Variants in MCF2 observed in about 807,000 individuals in gnomAD.
MCF2 encodes the protein proto-oncogene DBL.
A neutral mutation model predicts 82.5 loss-of-function variants in MCF2; 44 were observed. The ratio of observed to expected loss-of-function variants is 0.53; its 90% confidence interval spans 0.42 to 0.69. The LOEUF (loss-of-function observed/expected upper bound fraction) is 0.69. Among genes scored for constraint, MCF2 ranks in the 30% least tolerant of loss-of-function variants. The pLI, the probability that MCF2 is intolerant of heterozygous loss-of-function variation, is 0.00. For missense variants in MCF2, 623 were observed against 663.1 expected (o/e 0.94, Z 0.66); for synonymous variants, 217 against 224.9 (o/e 0.96, Z 0.32).
At chrX:139,651,351 A>G (rs1358910032) in intron 2 of MCF2, among the ~76,000 whole-genome samples, 3 of 111,401 alleles carry the variant, frequency 2.7e-5, no homozygotes, top group Non-Finnish European at 5.6e-5. Flanking sequence ...TGTAATACAC[A>G]TTTGAGTAAT....
At position 139,614,941 on chromosome X, in the gene MCF2, C is replaced by T. The variant is rs921254077; in HGVS notation, c.1303G>A (p.Val435Met). Reference sequence around the variant, plus strand: ...ACCAAATTTTCAGGTGTGGGTACCACAAATTGGATTGGCCTCACATGCTTA... The same window carrying T: ...ACCAAATTTTCAGGTGTGGGTACCATAAATTGGATTGGCCTCACATGCTTA... Residue 435 changes from valine (V) to methionine (M), a missense_variant, in exon 10 of 25, where the codon GTG (valine) becomes ATG (methionine). Coordinates refer to ENST00000370576, the Ensembl canonical transcript of MCF2. 1 of 1,209,872 alleles carries T rather than the reference C, an allele frequency of 8.3e-7. No individual in the cohort carries two copies. Among genetic ancestry groups the T allele is most frequent in the Non-Finnish European group, 1.1e-6 (1 of 894,132 alleles).
chrX:139,609,279 T>A (rs774166176), intron 11 of MCF2, among the ~76,000 whole-genome samples: 60 of 112,788 alleles, frequency 5.3e-4, no homozygotes, highest in African/African-American at 1.9e-3. Flanking sequence ...GAGCAGTGGC[T>A]CATGCCTGTA....
intron 6 of MCF2, among the ~76,000 whole-genome samples, chrX:139,620,200 A>G (rs1445273884): frequency 9.1e-6 from 1 of 110,090 alleles, no homozygotes; most frequent in African/African-American, 3.3e-5. Flanking sequence ...TTCCCAGAAA[A>G]AGAAACCAGG....
chrX:139,670,777 G>A (rs893441577), intron 1 of MCF2, among the ~76,000 whole-genome samples: 15 of 112,006 alleles, frequency 1.3e-4, no homozygotes, highest in Non-Finnish European at 2.8e-4. Flanking sequence ...AAACATACGT[G>A]TGCATGTGTC....
rs187359832 is a variant in MCF2 at position 139,628,871 on chromosome X, A to C, written c.438+824T>G. Among the ~76,000 whole-genome samples, 491 of 111,450 alleles carry C rather than the reference A, an allele frequency of 4.4e-3. 3 individuals carry two copies. Among genetic ancestry groups the C allele is most frequent in the Non-Finnish European group, 7.2e-3 (380 of 53,013 alleles). ...AACACTCCACAAAGACCTGGATAGG[A>C]GAGCACAAACAATTTGCAACCCCTG... On this transcript the variant is annotated intron_variant, in intron 4 of 24. Transcript: ENST00000370576.
chrX:139,694,152 C>A (rs761659744), intron 1 of MCF2, among the ~76,000 whole-genome samples: 2 of 110,857 alleles, frequency 1.8e-5, no homozygotes, highest in South Asian at 7.5e-4. Context: ...TTTGTAATTC[C>A]ATTTTTTAAA....
At chrX:139,583,939 G>T (rs1484377300) in intron 24 of MCF2, among the ~76,000 whole-genome samples, 1 of 110,439 alleles carries the variant, frequency 9.1e-6, no homozygotes, top group African/African-American at 3.3e-5. Context: ...TAAATTGAAG[G>T]TAATAAAGCC....
At chrX:139,590,976 C>G (rs1929472161) in intron 19 of MCF2, among the ~76,000 whole-genome samples, 1 of 111,510 alleles carries the variant, frequency 9.0e-6, no homozygotes, top group African/African-American at 3.3e-5. Context: ...TATTCTCACT[C>G]CATCATTCCA....
chrX:139,695,444 T>C (rs1014022103), intron 1 of MCF2, among the ~76,000 whole-genome samples: 1 of 112,139 alleles, frequency 8.9e-6, no homozygotes, highest in African/African-American at 3.2e-5. Context: ...ATCATGACCT[T>C]ATGTTGATTG....
At chrX:139,616,215 C>T (rs759292778) in intron 9 of MCF2, 67 bp downstream of exon 12, 230 of 669,061 alleles carry the variant, frequency 3.4e-4, no homozygotes, top group Admixed American at 6.3e-4. Context: ...AGTAAAACTC[C>T]TCCTACCCAC....
At chrX:139,665,604 C>G (rs1347084080) in intron 1 of MCF2, among the ~76,000 whole-genome samples, 1 of 110,426 alleles carries the variant, frequency 9.1e-6, no homozygotes, top group African/African-American at 3.3e-5. Flanking sequence ...CTCTTCAGTG[C>G]CTCTTTCAGT....
chrX:139,706,004 C>T (rs1192819511), intron 1 of MCF2, among the ~76,000 whole-genome samples: 2 of 112,314 alleles, frequency 1.8e-5, no homozygotes, highest in African/African-American at 6.5e-5. Context: ...CAAATCAAAA[C>T]CACAATGAGA....
chrX:139,591,234 G>C (rs1377493298), intron 19 of MCF2, among the ~76,000 whole-genome samples: 1 of 110,957 alleles, frequency 9.0e-6, no homozygotes, highest in Non-Finnish European at 1.9e-5. Context: ...AAAATAGAAA[G>C]AACACCTATT....
At chrX:139,700,647 C>T (rs1049901289) in intron 1 of MCF2, among the ~76,000 whole-genome samples, 1 of 111,764 alleles carries the variant, frequency 8.9e-6, no homozygotes, top group African/African-American at 3.3e-5. Flanking sequence ...TATTTCAGAC[C>T]TCTCCCAGGC....
chrX:139,617,741 A>G, intron 7 of MCF2, 37 bp from the exon 11 acceptor site: 1 of 895,336 alleles, frequency 1.1e-6, no homozygotes, highest in Non-Finnish European at 1.5e-6. Context: ...TGAATACATG[A>G]TCTCTGTTCC....
At chrX:139,641,215 T>G (rs894699177) in intron 1 of MCF2, among the ~76,000 whole-genome samples, 74 of 107,573 alleles carry the variant, frequency 6.9e-4, no homozygotes, top group African/African-American at 2.4e-3. Context: ...TATATATAAT[T>G]AGGAACTTTC....
At chrX:139,674,718 G>A (rs779113979) in intron 1 of MCF2, among the ~76,000 whole-genome samples, 89 of 111,945 alleles carry the variant, frequency 8.0e-4, no homozygotes, top group African/African-American at 2.5e-3. Flanking sequence ...GCTTCCCTTT[G>A]TGGGTAACCC....
intron 6 of MCF2, among the ~76,000 whole-genome samples, chrX:139,621,566 A>G (rs1365548636): frequency 8.9e-6 from 1 of 111,774 alleles, no homozygotes; most frequent in Admixed American, 9.5e-5. Context: ...GCACTCAGAA[A>G]TAATGCCGCA....
intron 1 of MCF2, among the ~76,000 whole-genome samples, chrX:139,665,897 GTA>G (rs761065038): frequency 0.024 from 1,657 of 68,386 alleles, 24 homozygotes; most frequent in African/African-American, 0.069. Context: ...AGGTGTGTGT[GTA>G]TATATATATA....
Sources: gnomAD v4.1 joint callset for allele counts (sites outside exome capture counted in the v4.1 genomes callset) on GRCh38, gnomAD v4.1.1 for gene constraint, MANE v1.5 for transcripts, NCBI Gene and HGNC (gene_info 2026-07-23, HGNC 2026-07-21) for gene names.